The following RABL3 variants were observed in gnomAD, a reference collection of about 807,000 sequenced individuals.
RABL3 encodes the protein RAB, member of RAS oncogene family like 3.
In RABL3, 31 loss-of-function variants were observed where a neutral mutation model predicts 31.8. That is an observed-to-expected ratio of 0.97 (90% CI 0.73 to 1.31). The LOEUF (loss-of-function observed/expected upper bound fraction) is 1.31. RABL3 is among the 40% of genes most tolerant of loss of function. The pLI is 0.00. For missense variants in RABL3, 263 were observed against 279.6 expected (o/e 0.94, Z 0.42); for synonymous variants, 97 against 99.9 (o/e 0.97, Z 0.18).
intron 4 of RABL3, among the ~76,000 whole-genome samples, chr3:120,700,325 C>A (rs535090665): frequency 6.6e-6 from 1 of 152,106 alleles, no homozygotes; most frequent in South Asian, 2.1e-4. Flanking sequence ...ATTTAATTAT[C>A]ACTTCAGAGA....
intron 2 of RABL3, among the ~76,000 whole-genome samples, chr3:120,716,995 G>A (rs985601702): frequency 3.3e-5 from 5 of 152,182 alleles, no homozygotes; most frequent in Admixed American, 2.0e-4. Flanking sequence ...GCTCACTCCT[G>A]TAATCCCAGC....
chr3:120,735,475 T>C (rs1307398497), intron 1 of RABL3, among the ~76,000 whole-genome samples: 2 of 152,200 alleles, frequency 1.3e-5, no homozygotes, highest in African/African-American at 4.8e-5. Context: ...ATCAATTTTG[T>C]TGATCTTTTC....
chr3:120,709,708 T>C, intron 3 of RABL3, 72 bp downstream of exon 3: 1 of 1,141,446 alleles, frequency 8.8e-7, no homozygotes, highest in Non-Finnish European at 1.3e-6. Context: ...TCTGGCATGC[T>C]ATGGCATTAC....
At chr3:120,726,239 G>A (rs923258268) in intron 2 of RABL3, among the ~76,000 whole-genome samples, 2 of 151,962 alleles carry the variant, frequency 1.3e-5, no homozygotes, top group East Asian at 3.9e-4. Context: ...TATAACAAGG[G>A]GTGGAGAACA....
In RABL3 at chr3:120,730,795, A is replaced by G. The variant is rs200129681; in HGVS notation, c.47-8T>C. On this transcript the variant is annotated splice_region_variant and splice_polypyrimidine_tract_variant and intron_variant, in intron 1 of 7. Coordinates refer to ENST00000273375, the MANE Select transcript of RABL3 (RefSeq NM_173825.5). Reference sequence around the variant, plus strand: ...ACGAAGATTTCCCAACACCTGTAAGAGATACAAGAACTCTAGTCACATAAG... The same window carrying G: ...ACGAAGATTTCCCAACACCTGTAAGGGATACAAGAACTCTAGTCACATAAG... 1.9e-5 allele frequency: 30 copies of G among 1,587,964 alleles called. No homozygotes were observed. The highest frequency in any genetic ancestry group is 2.5e-5 in the Non-Finnish European group (29 of 1,156,516).
intron 4 of RABL3, among the ~76,000 whole-genome samples, chr3:120,703,004 A>T (rs949784653): frequency 6.6e-6 from 1 of 152,176 alleles, no homozygotes; most frequent in Non-Finnish European, 1.5e-5. Context: ...CTGGGGACCG[A>T]AAAAGGGAGC....
chr3:120,714,940 T>A (rs1708651334), intron 2 of RABL3, among the ~76,000 whole-genome samples: 2 of 152,230 alleles, frequency 1.3e-5, no homozygotes. Flanking sequence ...TCGGGATTAT[T>A]TCTATAAATA....
rs1708410883 is a variant in RABL3 at position 120,694,207 on chromosome 3, C to T, written c.552G>A (p.Arg184=). The part of the protein sequence containing the change: ...EEINLDCTNP[R]YLAAGSSNAV... ...CATTGGAAGAACCTGCAGCTAAGTA[C>T]CGTGGATTTGTGCAGTCCTAGAAGA... Residue 184 remains arginine (R), a synonymous_variant, in exon 6 of 8, where the codon CGG becomes CGA. Transcript: ENST00000273375. The T allele has an allele frequency of 1.2e-6, 2 of 1,610,970 alleles. No individual in the cohort carries two copies. Among genetic ancestry groups the T allele is most frequent in the South Asian group, 2.2e-5 (2 of 90,722 alleles).
At chr3:120,690,981 C>T (rs1362990176) in intron 6 of RABL3, among the ~76,000 whole-genome samples, 2 of 152,112 alleles carry the variant, frequency 1.3e-5, no homozygotes, top group Non-Finnish European at 2.9e-5. Flanking sequence ...AGACAGATGA[C>T]ACAACATCAA....
At chr3:120,739,238 G>T (rs763790397) in intron 1 of RABL3, among the ~76,000 whole-genome samples, 2 of 152,140 alleles carry the variant, frequency 1.3e-5, no homozygotes, top group African/African-American at 2.4e-5. Context: ...TTAGCTGGGC[G>T]TGGTGGTGGG....
chr3:120,692,364 A>G (rs1708390488), intron 6 of RABL3, among the ~76,000 whole-genome samples: 1 of 150,850 alleles, frequency 6.6e-6, no homozygotes, highest in Non-Finnish European at 1.5e-5. Context: ...ACACTCAGCT[A>G]ATTTTTTGTA....
intron 2 of RABL3, among the ~76,000 whole-genome samples, chr3:120,729,040 A>G (rs1420413984): frequency 6.6e-6 from 1 of 152,160 alleles, no homozygotes; most frequent in Non-Finnish European, 1.5e-5. Context: ...GATGAAGACT[A>G]GACTATAGAT....
At chr3:120,713,442 T>C (rs1344903162) in intron 2 of RABL3, among the ~76,000 whole-genome samples, 2 of 152,252 alleles carry the variant, frequency 1.3e-5, no homozygotes, top group South Asian at 2.1e-4. Flanking sequence ...AAGGGAAAGC[T>C]TGACATTATA....
chr3:120,738,118 G>C (rs1708994567), intron 1 of RABL3, among the ~76,000 whole-genome samples: 1 of 152,248 alleles, frequency 6.6e-6, no homozygotes, highest in Admixed American at 6.5e-5. Flanking sequence ...AGTCTACAGA[G>C]GCACACAGGC....
chr3:120,696,223 T>G lies in RABL3; in HGVS notation c.535-1999A>C, dbSNP rs75058929. Among the ~76,000 whole-genome samples, 22 of 152,356 alleles carry G rather than the reference T, an allele frequency of 1.4e-4. No homozygotes were observed. The East Asian group carries it at 3.9e-3, about 27-fold the overall frequency. ...TTATTAACTCTGATTCCACCTTTGA[T>G]GTATACATTTGTTAATTCTTACTTT... is the stretch of plus-strand genomic sequence containing the variant. On this transcript the variant is annotated intron_variant, in intron 5 of 7. Coordinates refer to ENST00000273375, the MANE Select transcript of RABL3 (RefSeq NM_173825.5).
chr3:120,721,769 T>C (rs1022291062), intron 2 of RABL3, among the ~76,000 whole-genome samples: 7 of 152,230 alleles, frequency 4.6e-5, no homozygotes, highest in African/African-American at 1.7e-4. Flanking sequence ...GACAGATCAA[T>C]GAGACAGAAA....
rs1342158962 is a variant in RABL3, at chr3:120,689,212, T to C, written c.*611A>G. 1 of 152,228 alleles carries C rather than the reference T, an allele frequency of 6.6e-6. No individual in the cohort carries two copies. Among genetic ancestry groups the C allele is most frequent in the Non-Finnish European group, 1.5e-5 (1 of 68,038 alleles). 9.4% of individuals were successfully genotyped at this position (152,228 alleles called of 1,614,324 possible). On this transcript the variant is annotated 3_prime_UTR_variant, in exon 8 of 8. Coordinates refer to ENST00000273375, the MANE Select transcript of RABL3 (RefSeq NM_173825.5). Reference sequence around the variant, plus strand: ...ATTAATTTGTATTTATATTTAACTCTGGCTATTAGTCCGCCTCTTCCAGTC... The same window carrying C: ...ATTAATTTGTATTTATATTTAACTCCGGCTATTAGTCCGCCTCTTCCAGTC...
At chr3:120,729,028 G>A (rs566407720) in intron 2 of RABL3, among the ~76,000 whole-genome samples, 1 of 152,162 alleles carries the variant, frequency 6.6e-6, no homozygotes, top group Non-Finnish European at 1.5e-5. Flanking sequence ...ATGTGAGTGA[G>A]TGATGAAGAC....
chr3:120,687,165 T>C lies in RABL3; in HGVS notation c.*2658A>G, dbSNP rs909661150. 1 of 152,190 alleles carries C rather than the reference T, an allele frequency of 6.6e-6. No homozygotes were observed. Among genetic ancestry groups the C allele is most frequent in the Admixed American group, 6.5e-5 (1 of 15,282 alleles). The allele number at this position is 152,190 out of a possible 1,614,324, so 9.4% of individuals were successfully genotyped here. A position where few individuals can be genotyped will look rare whatever the true frequency, so the allele number is the denominator to read the frequency against. ...CACCTAAGGGACAGAGGAGTAGTCATATATATGCCTTCATATCTGGTCACC... is the reference window on the plus strand; with the variant it reads ...CACCTAAGGGACAGAGGAGTAGTCACATATATGCCTTCATATCTGGTCACC... On this transcript the variant is annotated 3_prime_UTR_variant, in exon 8 of 8. Coordinates refer to ENST00000273375, the MANE Select transcript of RABL3 (RefSeq NM_173825.5).
Sources: gnomAD v4.1 joint callset for allele counts (sites outside exome capture counted in the v4.1 genomes callset) on GRCh38, gnomAD v4.1.1 for gene constraint, MANE v1.5 for transcripts, NCBI Gene and HGNC (gene_info 2026-07-23, HGNC 2026-07-21) for gene names.